The following SCN2A variants were observed in gnomAD, a reference collection of about 807,000 sequenced individuals.
The protein encoded by SCN2A is sodium channel protein type 2 subunit alpha.
In SCN2A, 20 loss-of-function variants were observed where a neutral mutation model predicts 188.7. The observed-to-expected ratio is 0.11, with a 90% CI of 0.07 to 0.15. SCN2A has a LOEUF of 0.15. Ranked by LOEUF, SCN2A falls within the 10% of genes least tolerant of loss-of-function variation. The pLI, the probability that SCN2A is intolerant of heterozygous loss-of-function variation, is 1.00. For missense variants in SCN2A, 1,278 were observed against 2,445.0 expected, an observed-to-expected ratio of 0.52 and a Z score of 10.07; for synonymous variants, 804 against 833.1, an observed-to-expected ratio of 0.97 and a Z score of 0.60.
chr2:165,359,571 T>G (rs558180883), intron 17 of SCN2A, among the ~76,000 whole-genome samples: 15 of 152,210 alleles, frequency 9.9e-5, no homozygotes, highest in South Asian at 2.1e-4. Context: ...CAGGAAACAT[T>G]GTCCACTTCC....
At chr2:165,265,515 A>ATATATATATATATATATATATT (rs1188795670) in intron 1 of SCN2A, among the ~76,000 whole-genome samples, 1 of 115,490 alleles carries the variant, frequency 8.7e-6, no homozygotes, top group East Asian at 2.8e-4. Context: ...ATATATATAT[A>ATATATATATATATATATATATT]TTGCTGTGCA....
At chr2:165,380,786 C>T (rs969153082) in intron 24 of SCN2A, 57 bp downstream of exon 24, 2 of 1,363,944 alleles carry the variant, frequency 1.5e-6, no homozygotes, top group African/African-American at 2.9e-5. Context: ...ATTTCATACT[C>T]TTTCCTTTAG....
chr2:165,365,390 TA>T (rs1700672634), intron 18 of SCN2A, 127 bp downstream of exon 18: 2 of 1,058,846 alleles, frequency 1.9e-6, no homozygotes, highest in African/African-American at 3.2e-5. Context: ...TCTATCTATC[TA>T]TCTATCTAGT....
chr2:165,343,182 A>C (rs1347837488), intron 15 of SCN2A, among the ~76,000 whole-genome samples: 1 of 152,212 alleles, frequency 6.6e-6, no homozygotes, highest in East Asian at 1.9e-4. Flanking sequence ...TTCAAATAAC[A>C]GAGGCTGTAC....
intron 1 of SCN2A, among the ~76,000 whole-genome samples, chr2:165,291,470 CTTT>C (rs1696148144): frequency 2.5e-5 from 1 of 40,042 alleles, no homozygotes; most frequent in East Asian, 6.2e-4. Context: ...TTCTTTCTTT[CTTT>C]CTTTCTTTCT....
At chr2:165,240,925 A>G (rs916622623) in intron 1 of SCN2A, 1 of 152,172 alleles carries the variant, frequency 6.6e-6, no homozygotes, top group Non-Finnish European at 1.5e-5. Flanking sequence ...AGAATTACAG[A>G]TATTTAACCA....
At chr2:165,256,184 T>C (rs1011400213) in intron 1 of SCN2A, among the ~76,000 whole-genome samples, 8 of 151,970 alleles carry the variant, frequency 5.3e-5, no homozygotes, top group Admixed American at 2.0e-4. Context: ...TATGTATTTT[T>C]AGTAGAGATG....
intron 3 of SCN2A, among the ~76,000 whole-genome samples, chr2:165,307,422 C>T (rs1697195635): frequency 6.6e-6 from 1 of 152,012 alleles, no homozygotes; most frequent in Admixed American, 6.6e-5. Flanking sequence ...TAAGACATTC[C>T]ACCAGGGTAA....
At chr2:165,325,352 T>C (rs1384999027) in intron 12 of SCN2A, among the ~76,000 whole-genome samples, 2 of 152,200 alleles carry the variant, frequency 1.3e-5, no homozygotes, top group African/African-American at 4.8e-5. Context: ...TCTTAAGTGC[T>C]TTGAGGCAGG....
chr2:165,296,913 T>C (rs1696541681), intron 2 of SCN2A, 104 bp from the exon 3 acceptor site: 2 of 688,820 alleles, frequency 2.9e-6, no homozygotes, highest in Non-Finnish European at 5.2e-6. Context: ...TGTTATACAC[T>C]ATTTTACAGG....
At chr2:165,294,401 C>T (rs1198770710) in intron 1 of SCN2A, among the ~76,000 whole-genome samples, 1 of 152,118 alleles carries the variant, frequency 6.6e-6, no homozygotes. Flanking sequence ...TTTGGAGGCA[C>T]TATAATACTG....
chr2:165,329,911 C>T (rs563261358), intron 13 of SCN2A, among the ~76,000 whole-genome samples: 2 of 152,166 alleles, frequency 1.3e-5, no homozygotes, highest in South Asian at 4.1e-4. Context: ...AAACTGGGCA[C>T]TTGAAGAATT....
At chr2:165,359,673 A>G (rs1015650757) in intron 17 of SCN2A, among the ~76,000 whole-genome samples, 1 of 152,112 alleles carries the variant, frequency 6.6e-6, no homozygotes, top group Non-Finnish European at 1.5e-5. Context: ...GAATGGGTTC[A>G]ACAGACACCT....
intron 19 of SCN2A, among the ~76,000 whole-genome samples, chr2:165,369,660 C>T (rs1017848197): frequency 2.0e-5 from 3 of 152,050 alleles, no homozygotes; most frequent in East Asian, 1.9e-4. Flanking sequence ...TACACCCACC[C>T]GCCTCCACAC....
At chr2:165,251,433 A>G (rs1387710424) in intron 1 of SCN2A, among the ~76,000 whole-genome samples, 2 of 152,132 alleles carry the variant, frequency 1.3e-5, no homozygotes, top group Admixed American at 1.3e-4. Context: ...TAGCGTGATG[A>G]TATTTTATCT....
At position 165,239,473 on chromosome 2, in the gene SCN2A, G is replaced by C. The variant is rs1693523389; in HGVS notation, c.-219G>C. On this transcript the variant is annotated 5_prime_UTR_variant, in exon 1 of 27. Transcript: ENST00000375437. ...ACAGAAAGCTAAGGCAAAGGAGGGAGGATGCTGTGGTCATCCTTTCTTGTT... is the reference window on the plus strand; with the variant it reads ...ACAGAAAGCTAAGGCAAAGGAGGGACGATGCTGTGGTCATCCTTTCTTGTT... 1 of 190,406 alleles carries C rather than the reference G, an allele frequency of 5.3e-6. No individual in the cohort carries two copies. The highest frequency in any genetic ancestry group is 1.8e-4 in the South Asian group (1 of 5,526). The allele number at this position is 190,406 out of a possible 1,614,324, so 11.8% of individuals were successfully genotyped here.
chr2:165,345,490 T>A (rs943298771), intron 16 of SCN2A, among the ~76,000 whole-genome samples: 2 of 152,188 alleles, frequency 1.3e-5, no homozygotes, highest in African/African-American at 2.4e-5. Flanking sequence ...TGTCTTTTTT[T>A]AATCTTTGTT....
intron 1 of SCN2A, among the ~76,000 whole-genome samples, chr2:165,291,453 T>A: frequency 3.4e-5 from 1 of 29,348 alleles, no homozygotes; most frequent in African/African-American, 1.1e-4. Flanking sequence ...TTTCTTTCTT[T>A]CTTTCTTTCT....
intron 1 of SCN2A, among the ~76,000 whole-genome samples, chr2:165,249,096 G>C (rs1330257136): frequency 6.6e-6 from 1 of 151,992 alleles, no homozygotes; most frequent in Non-Finnish European, 1.5e-5. Context: ...TGACTTCATT[G>C]TTCTTTGTTT....
Sources: allele counts gnomAD v4.1 joint callset (sites outside exome capture counted in the v4.1 genomes callset), GRCh38; gene constraint gnomAD v4.1.1; transcripts MANE v1.5; gene names NCBI Gene and HGNC (gene_info 2026-07-23, HGNC 2026-07-21).